GRID2: variants seen among roughly 807,000 people sequenced by gnomAD.
The protein encoded by GRID2 is glutamate receptor ionotropic, delta-2.
GRID2 carries 33 observed loss-of-function variants against 114.8 expected under a neutral mutation model. The observed-to-expected ratio is 0.29, with a 90% CI of 0.22 to 0.38. The LOEUF is 0.38. GRID2 is among the 10% of genes least tolerant of loss of function. GRID2 has a pLI of 1.00. For missense variants in GRID2, 1,184 were observed against 1,257.7 expected, an observed-to-expected ratio of 0.94 and a Z score of 0.89; for synonymous variants, 505 against 449.9, an observed-to-expected ratio of 1.12 and a Z score of -1.55.
chr4:92,321,246 T>C (rs554061822), intron 1 of GRID2, among the ~76,000 whole-genome samples: 31 of 152,280 alleles, frequency 2.0e-4, no homozygotes, highest in African/African-American at 7.5e-4. Flanking sequence ...GGCCTCTTTT[T>C]TCCACCTCCC....
intron 2 of GRID2, among the ~76,000 whole-genome samples, chr4:93,030,075 C>CTATG (rs1400249712): frequency 1.3e-5 from 2 of 152,116 alleles, no homozygotes; most frequent in Non-Finnish European, 2.9e-5. Flanking sequence ...ATATGTAATA[C>CTATG]TATTACTATT....
chr4:92,409,031 C>A (rs1731169167), intron 1 of GRID2, among the ~76,000 whole-genome samples: 1 of 152,058 alleles, frequency 6.6e-6, no homozygotes, highest in Admixed American at 6.6e-5. Flanking sequence ...TGAGAGTGAG[C>A]GTACTTGTCT....
chr4:93,619,010 G>A (rs1741966779), intron 13 of GRID2, among the ~76,000 whole-genome samples: 3 of 152,108 alleles, frequency 2.0e-5, no homozygotes, highest in Non-Finnish European at 4.4e-5. Context: ...TTAGAGGTGG[G>A]CATAACACTT....
intron 2 of GRID2, among the ~76,000 whole-genome samples, chr4:92,958,679 T>G (rs962196836): frequency 2.6e-5 from 4 of 152,072 alleles, no homozygotes; most frequent in African/African-American, 9.7e-5. Flanking sequence ...TAATGCTGAC[T>G]TCATAGAATG....
intron 1 of GRID2, among the ~76,000 whole-genome samples, chr4:92,378,853 T>A (rs557581386): frequency 6.6e-6 from 1 of 152,192 alleles, no homozygotes; most frequent in Non-Finnish European, 1.5e-5. Context: ...TCATGTTTAC[T>A]AATCTCAATT....
chr4:93,493,899 T>C (rs1452552446), intron 12 of GRID2, among the ~76,000 whole-genome samples: 1 of 151,814 alleles, frequency 6.6e-6, no homozygotes, highest in East Asian at 1.9e-4. Context: ...TCAGTGGGTA[T>C]AATAAATCTC....
rs929774443 is a variant in GRID2, at chr4:92,763,556, G to T, written c.244+173270G>T. Reference sequence around the variant, plus strand: ...AAGTAATCTAAAGATGATTTAAAGTGAACAGCCATATGTGCATAGGTTATA... The same window carrying T: ...AAGTAATCTAAAGATGATTTAAAGTTAACAGCCATATGTGCATAGGTTATA... On this transcript the variant is annotated intron_variant, in intron 2 of 15. Transcript: ENST00000282020. Among the ~76,000 whole-genome samples, 5 of 152,264 alleles carry T rather than the reference G, an allele frequency of 3.3e-5. No individual in the cohort carries two copies. The East Asian group carries it at 7.7e-4, about 24-fold the overall frequency.
chr4:93,412,042 A>G (rs1182259751), intron 9 of GRID2, among the ~76,000 whole-genome samples: 1 of 151,926 alleles, frequency 6.6e-6, no homozygotes, highest in Non-Finnish European at 1.5e-5. Context: ...CTCTGTGTAG[A>G]TAATTATGTG....
intron 2 of GRID2, among the ~76,000 whole-genome samples, chr4:93,073,088 C>G (rs1728952453): frequency 6.6e-6 from 1 of 152,156 alleles, no homozygotes; most frequent in African/African-American, 2.4e-5. Flanking sequence ...TAACCTCTCA[C>G]AGTTCTTGCA....
At chr4:93,272,871 C>T (rs1488452732) in intron 8 of GRID2, among the ~76,000 whole-genome samples, 1 of 152,166 alleles carries the variant, frequency 6.6e-6, no homozygotes, top group African/African-American at 2.4e-5. Flanking sequence ...CCTTAGGTCA[C>T]ATTGGTGCAA....
chr4:92,517,729 G>T (rs977413309), intron 1 of GRID2, among the ~76,000 whole-genome samples: 1 of 151,716 alleles, frequency 6.6e-6, no homozygotes, highest in Non-Finnish European at 1.5e-5. Flanking sequence ...AAAATTTCTG[G>T]AAGTATATGA....
At chr4:93,807,006 C>G (rs1345022821) in exon 2 of GRID2, 1 of 152,274 alleles carries the variant, frequency 6.6e-6, no homozygotes, top group Admixed American at 6.5e-5. Context: ...TTCAAGGAAG[C>G]TGACCTCACC....
intron 8 of GRID2, among the ~76,000 whole-genome samples, chr4:93,358,585 T>A (rs1161096588): frequency 6.6e-6 from 1 of 151,848 alleles, no homozygotes; most frequent in Non-Finnish European, 1.5e-5. Flanking sequence ...ATGCAATAAC[T>A]CTAGAAACTA....
chr4:93,638,313 TTTTTTTA>T lies in GRID2; in HGVS notation c.2360+11879_2360+11885del, dbSNP rs1193371293. ...TTAAAACTTGCATCTTTTTTTTTTTTTTTTTTAATTATACTCTAAGTTTTAGGGTACA... is the reference window on the plus strand; with the variant it reads ...TTAAAACTTGCATCTTTTTTTTTTTTATTATACTCTAAGTTTTAGGGTACA... On this transcript the variant is annotated intron_variant, in intron 14 of 15. Transcript: ENST00000282020. Among the ~76,000 whole-genome samples, 3 of 87,424 alleles carry T rather than the reference TTTTTTTA, an allele frequency of 3.4e-5. 1 individual carries two copies. Among genetic ancestry groups the T allele is most frequent in the Non-Finnish European group, 7.2e-5 (3 of 41,538 alleles). The allele number at this position is 87,424 out of a possible 152,430, so 57.4% of individuals were successfully genotyped here.
chr4:93,072,846 TAC>T (rs1188364831), intron 2 of GRID2, among the ~76,000 whole-genome samples: 1 of 152,168 alleles, frequency 6.6e-6, no homozygotes, highest in Non-Finnish European at 1.5e-5. Flanking sequence ...TATCAAAACT[TAC>T]ACACACACTT....
At chr4:93,648,615 G>T (rs1353552531) in intron 14 of GRID2, among the ~76,000 whole-genome samples, 1 of 152,184 alleles carries the variant, frequency 6.6e-6, no homozygotes, top group African/African-American at 2.4e-5. Context: ...TTTTAGCCAA[G>T]CATCAGGATC....
intron 1 of GRID2, among the ~76,000 whole-genome samples, chr4:92,527,924 G>T (rs1380136116): frequency 1.3e-5 from 2 of 151,982 alleles, no homozygotes. Flanking sequence ...CAGGGTCCAG[G>T]TTACAGTGCT....
At chr4:93,097,095 C>CCAGTAAATACAAAACTAA in intron 3 of GRID2, among the ~76,000 whole-genome samples, 1 of 151,960 alleles carries the variant, frequency 6.6e-6, no homozygotes. Context: ...ACTAAGCTAT[C>CCAGTAAATACAAAACTAA]GTGGTCAAAA....
intron 1 of GRID2, among the ~76,000 whole-genome samples, chr4:92,512,205 C>T (rs1203815972): frequency 1.3e-5 from 2 of 151,840 alleles, no homozygotes; most frequent in African/African-American, 2.4e-5. Flanking sequence ...TCAGAATACT[C>T]TTGCTTCTAA....
Sources: allele counts gnomAD v4.1 joint callset (sites outside exome capture counted in the v4.1 genomes callset), GRCh38; gene constraint gnomAD v4.1.1; transcripts MANE v1.5; gene names NCBI Gene and HGNC (gene_info 2026-07-23, HGNC 2026-07-21).